The following USP34 variants were observed in gnomAD, a reference collection of about 807,000 sequenced individuals.
The protein encoded by USP34 is ubiquitin specific peptidase 34.
Under a neutral mutation model 460.3 loss-of-function variants are expected in USP34, and 70 were observed. That is an observed-to-expected ratio of 0.15 (90% CI 0.13 to 0.19). The LOEUF (loss-of-function observed/expected upper bound fraction) is 0.19, where lower values mean the gene tolerates loss of function less well. Among genes scored for constraint, USP34 ranks in the 10% least tolerant of loss-of-function variants. The pLI, the probability that USP34 is intolerant of heterozygous loss-of-function variation, is 1.00. For missense variants in USP34, 3,985 were observed against 4,236.2 expected (o/e 0.94, Z 1.65); for synonymous variants, 1,647 against 1,405.3 (o/e 1.17, Z -3.85).
chr2:61,236,277 T>G, intron 54 of USP34, 41 bp from the exon 55 acceptor site: 2 of 1,593,710 alleles, frequency 1.3e-6, no homozygotes, highest in Non-Finnish European at 8.5e-7. Flanking sequence ...ACACGTAAGA[T>G]TTTTTTAAAA....
At chr2:61,190,487 T>C in intron 77 of USP34, 31 bp downstream of exon 77, 1 of 1,606,558 alleles carries the variant, frequency 6.2e-7, no homozygotes, top group Non-Finnish European at 8.5e-7. Flanking sequence ...TAATTAGAAA[T>C]GACACACTGA....
chr2:61,415,059 C>T (rs75950192), intron 2 of USP34, among the ~76,000 whole-genome samples: 119 of 152,196 alleles, frequency 7.8e-4, no homozygotes, highest in African/African-American at 2.4e-3. Context: ...GGGTAGCCTC[C>T]GGTCCTTTTG....
intron 2 of USP34, among the ~76,000 whole-genome samples, chr2:61,420,333 T>C (rs925221101): frequency 1.3e-5 from 2 of 152,214 alleles, no homozygotes; most frequent in Non-Finnish European, 2.9e-5. Context: ...ATATGTATTA[T>C]TTAGAAATTG....
At chr2:61,211,713 A>G (rs745973631) in intron 69 of USP34, 59 bp downstream of exon 69, 20 of 1,452,148 alleles carry the variant, frequency 1.4e-5, no homozygotes, top group Non-Finnish European at 1.7e-5. Context: ...TTAAACATCA[A>G]AAGGATGGTC....
At chr2:61,216,789 G>A (rs1687409828) in intron 67 of USP34, among the ~76,000 whole-genome samples, 1 of 151,398 alleles carries the variant, frequency 6.6e-6, no homozygotes, top group Non-Finnish European at 1.5e-5. Context: ...GTGGTGGCGG[G>A]TGCCTGTAAT....
At chr2:61,352,984 C>T (rs35115993) in intron 10 of USP34, among the ~76,000 whole-genome samples, 15,591 of 152,266 alleles carry the variant, frequency 0.1, 1,057 homozygotes, top group Non-Finnish European at 0.15. Flanking sequence ...TATCCTGAAA[C>T]TCTAGAGTCA....
At chr2:61,353,727 C>A (rs185229281) in intron 10 of USP34, among the ~76,000 whole-genome samples, 30 of 152,032 alleles carry the variant, frequency 2.0e-4, no homozygotes, top group Admixed American at 6.6e-4. Context: ...CACCACTCAG[C>A]CACTAGACAA....
intron 1 of USP34, among the ~76,000 whole-genome samples, chr2:61,465,578 C>CATGG (rs1356945732): frequency 6.6e-6 from 1 of 152,192 alleles, no homozygotes; most frequent in African/African-American, 2.4e-5. Context: ...CATGGTAGCT[C>CATGG]ATGCCTGTAA....
At chr2:61,434,010 G>C (rs1252268855) in intron 1 of USP34, among the ~76,000 whole-genome samples, 1 of 152,124 alleles carries the variant, frequency 6.6e-6, no homozygotes, top group African/African-American at 2.4e-5. Flanking sequence ...GGAACAGTCT[G>C]ACAGTCCCAT....
chr2:61,346,697 T>TG (rs1308024104), intron 15 of USP34, among the ~76,000 whole-genome samples: 14 of 84,588 alleles, frequency 1.7e-4, no homozygotes, highest in Non-Finnish European at 2.8e-4. Flanking sequence ...GGGTGGGGGG[T>TG]GGGGGGCACC....
chr2:61,397,830 C>G (rs1172591409), intron 3 of USP34, among the ~76,000 whole-genome samples: 1 of 151,640 alleles, frequency 6.6e-6, no homozygotes, highest in Non-Finnish European at 1.5e-5. Context: ...ACCCAGGAGA[C>G]GGAGGCTGCA....
intron 1 of USP34, among the ~76,000 whole-genome samples, chr2:61,458,208 T>G (rs10176089): frequency 7.2e-5 from 11 of 152,174 alleles, no homozygotes; most frequent in African/African-American, 2.2e-4. Flanking sequence ...ACTTCAGACT[T>G]GGAGTTCAGG....
At chr2:61,324,389 G>A (rs1000086552) in intron 21 of USP34, among the ~76,000 whole-genome samples, 10 of 152,160 alleles carry the variant, frequency 6.6e-5, no homozygotes, top group Admixed American at 4.6e-4. Context: ...ATAAAGCCAA[G>A]TGATTTTCAA....
intron 10 of USP34, among the ~76,000 whole-genome samples, chr2:61,359,184 G>GA (rs1692198746): frequency 4.6e-5 from 7 of 151,918 alleles, no homozygotes; most frequent in East Asian, 1.9e-4. Flanking sequence ...AGAAAAAAAA[G>GA]AAAAAACAAA....
chr2:61,424,751 A>G (rs1467069357), intron 1 of USP34, among the ~76,000 whole-genome samples: 1 of 151,256 alleles, frequency 6.6e-6, no homozygotes, highest in East Asian at 1.9e-4. Context: ...TATGTTCTAT[A>G]TTTTTTTTTA....
In USP34 at chr2:61,370,927, T is replaced by C. The variant is rs1172265332; in HGVS notation, c.1077-348A>G. On this transcript the variant is annotated intron_variant, in intron 8 of 79. Transcript: ENST00000398571. ...TATGTATTGAAGCACTCAGGAAAGG[T>C]TTCCCAGTATGCCCTTTATAATGAG... Among the ~76,000 whole-genome samples the C allele has an allele frequency of 2.6e-5, 4 of 152,306 alleles. 1 individual carries two copies. In the East Asian group the frequency reaches 7.7e-4, roughly 29 times the overall value.
chr2:61,338,327 A>G (rs930571946), intron 18 of USP34, among the ~76,000 whole-genome samples: 1 of 152,214 alleles, frequency 6.6e-6, no homozygotes, highest in African/African-American at 2.4e-5. Flanking sequence ...TGTCCAAAAA[A>G]ACAAAGAATG....
chr2:61,206,011 A>G lies in USP34; in HGVS notation c.9154+6T>C. ...TTTACACGGGTGAATTTTTCAAGTA[A>G]CTTACCTATACAGGCATTTCTAAGT... On this transcript the variant is annotated splice_donor_region_variant and intron_variant, in intron 72 of 79. Transcript: ENST00000398571. 1 of 1,603,488 alleles carries G rather than the reference A, an allele frequency of 6.2e-7. No homozygotes were observed.
In USP34 at chr2:61,188,766, G is replaced by A. The variant is rs905925762; in HGVS notation, c.10034-57C>T. 7 of 1,578,260 alleles carry A rather than the reference G, an allele frequency of 4.4e-6. No homozygotes were observed. In the African/African-American group the frequency reaches 6.8e-5, roughly 15 times the overall value. On this transcript the variant is annotated intron_variant, in intron 79 of 79. Coordinates refer to ENST00000398571, the MANE Select transcript of USP34 (RefSeq NM_014709.4). ...TCTGAAAGTCATTAAGATCACGTTA[G>A]GGGGGGATGTGGGAAGTTAATTTTG...
Sources: allele counts gnomAD v4.1 joint callset (sites outside exome capture counted in the v4.1 genomes callset), GRCh38; gene constraint gnomAD v4.1.1; transcripts MANE v1.5; gene names NCBI Gene and HGNC (gene_info 2026-07-23, HGNC 2026-07-21).